DISC1: variants seen among roughly 807,000 people sequenced by gnomAD.
The protein encoded by DISC1 is disrupted in schizophrenia 1 protein.
A neutral mutation model predicts 84.5 loss-of-function variants in DISC1; 57 were observed. That is an observed-to-expected ratio of 0.67 (90% CI 0.55 to 0.84). The LOEUF (loss-of-function observed/expected upper bound fraction) is 0.84, where lower values mean the gene tolerates loss of function less well. DISC1 is among the 40% of genes least tolerant of loss of function. The pLI is 0.00. For synonymous variants in DISC1, 411 were observed against 415.2 expected, an observed-to-expected ratio of 0.99 and a Z score of 0.12; for missense variants, 1,000 against 1,057.8, an observed-to-expected ratio of 0.95 and a Z score of 0.76.
At chr1:231,833,696 T>A (rs933469334) in intron 9 of DISC1, among the ~76,000 whole-genome samples, 20 of 152,180 alleles carry the variant, frequency 1.3e-4, no homozygotes, top group African/African-American at 4.6e-4. Flanking sequence ...GAGGCAGGCC[T>A]GGAGGAACTC....
chr1:231,870,861 GATT>G (rs1182487060), intron 9 of DISC1, among the ~76,000 whole-genome samples: 3 of 152,168 alleles, frequency 2.0e-5, no homozygotes, highest in Non-Finnish European at 4.4e-5. Flanking sequence ...AAGTAATTTA[GATT>G]ATATTTTAAA....
At chr1:231,976,669 C>A (rs1008859541) in intron 10 of DISC1, among the ~76,000 whole-genome samples, 2 of 152,148 alleles carry the variant, frequency 1.3e-5, no homozygotes, top group African/African-American at 4.8e-5. Context: ...AACTCCATAC[C>A]TTTGACGCTA....
rs568872907 is a variant in DISC1, at chr1:231,810,877, C to T, written c.1793-7452C>T. On this transcript the variant is annotated intron_variant, in intron 8 of 12. Coordinates refer to ENST00000439617, the MANE Select transcript of DISC1 (RefSeq NM_018662.3). ...AGCTTCCTGGATAGTTACTAGAGAG[C>T]AATTTGGCTTCCAGCAGGTCTGATT... 2.0e-5 allele frequency among the ~76,000 whole-genome samples: 3 copies of T among 152,288 alleles called. No individual in the cohort carries two copies. In the South Asian group the frequency reaches 6.2e-4, roughly 32 times the overall value.
chr1:232,009,402 T>C lies in DISC1; in HGVS notation c.2307+353T>C. On this transcript the variant is annotated intron_variant, in intron 11 of 12. Transcript: ENST00000439617. This position sits in a 1 kb window ranked among gnomAD's most constrained non-coding sequence, Gnocchi z 4.6. ...TATTCACTATAGATTATATATGCCA[T>C]ACATGATATTTAACATATATACTAT... is the stretch of plus-strand genomic sequence containing the variant. 1 of 723,182 alleles carries C rather than the reference T, an allele frequency of 1.4e-6. No homozygotes were observed. The highest frequency in any genetic ancestry group is 1.9e-5 in the African/African-American group (1 of 51,606). 44.8% of individuals were successfully genotyped at this position (723,182 alleles called of 1,614,324 possible). A position where few individuals can be genotyped will look rare whatever the true frequency, so the allele number is the denominator to read the frequency against.
At chr1:231,815,871 G>T (rs186689287) in intron 8 of DISC1, among the ~76,000 whole-genome samples, 1 of 152,260 alleles carries the variant, frequency 6.6e-6, no homozygotes, top group Admixed American at 6.5e-5. Flanking sequence ...CCTGCTGATG[G>T]ATATTTAGGT....
At chr1:232,028,120 T>A (rs1171080234) in intron 12 of DISC1, among the ~76,000 whole-genome samples, 1 of 152,166 alleles carries the variant, frequency 6.6e-6, no homozygotes, top group Non-Finnish European at 1.5e-5. Flanking sequence ...AAACATAGAA[T>A]AAGGATGGCG....
intron 3 of DISC1, among the ~76,000 whole-genome samples, chr1:231,720,420 C>T (rs1321537957): frequency 6.6e-6 from 1 of 152,042 alleles, no homozygotes; most frequent in East Asian, 1.9e-4. Flanking sequence ...CTCACTGCTG[C>T]CTCAAATTCC....
chr1:232,009,374 T>A lies in DISC1; in HGVS notation c.2307+325T>A. ...ATATATGTCATATATAATATAGTTA[T>A]TATATTCACTATAGATTATATATGC... On this transcript the variant is annotated intron_variant, in intron 11 of 12. Transcript: ENST00000439617. This position sits in a 1 kb window ranked among gnomAD's most constrained non-coding sequence, Gnocchi z 4.6. The A allele has an allele frequency of 1.2e-6, 1 of 834,762 alleles. No homozygotes were observed. Among genetic ancestry groups the A allele is most frequent in the Non-Finnish European group, 1.5e-6 (1 of 674,738 alleles). The allele number at this position is 834,762 out of a possible 1,614,324, so 51.7% of individuals were successfully genotyped here.
At chr1:231,766,149 G>A (rs2076155234) in intron 4 of DISC1, among the ~76,000 whole-genome samples, 1 of 151,932 alleles carries the variant, frequency 6.6e-6, no homozygotes, top group African/African-American at 2.4e-5. Flanking sequence ...AATTAGCTGG[G>A]CATGGTGGCA....
intron 7 of DISC1, among the ~76,000 whole-genome samples, chr1:231,797,954 TGGGCAG>T (rs1352051202): frequency 6.6e-6 from 1 of 151,950 alleles, no homozygotes; most frequent in East Asian, 1.9e-4. Flanking sequence ...GTGTGTGTTG[TGGGCAG>T]GGGCCTATAT....
chr1:231,774,013 A>G (rs1169111728), intron 6 of DISC1, among the ~76,000 whole-genome samples: 1 of 152,110 alleles, frequency 6.6e-6, no homozygotes, highest in African/African-American at 2.4e-5. Context: ...CTATAATCCC[A>G]GCACTTTGGG....
chr1:231,870,561 G>A (rs540112107), intron 9 of DISC1, among the ~76,000 whole-genome samples: 6 of 152,300 alleles, frequency 3.9e-5, no homozygotes, highest in African/African-American at 9.6e-5. Context: ...AGCAGGGTGT[G>A]CTGCCCATCT....
chr1:232,017,555 A>G (rs147014502), intron 11 of DISC1, among the ~76,000 whole-genome samples: 1 of 150,678 alleles, frequency 6.6e-6, no homozygotes, highest in East Asian at 2.0e-4. Flanking sequence ...TGGATAGGCA[A>G]ATGTACTTTT....
intron 9 of DISC1, among the ~76,000 whole-genome samples, chr1:231,857,424 T>A (rs1208179678): frequency 2.6e-5 from 4 of 152,228 alleles, no homozygotes; most frequent in African/African-American, 9.6e-5. Flanking sequence ...GTGTCATTGA[T>A]GGCACTCCAG....
In DISC1 at chr1:231,638,557, A is replaced by C. The variant is rs939681370; in HGVS notation, c.67+11623A>C. Among the ~76,000 whole-genome samples the C allele has an allele frequency of 6.6e-5, 10 of 152,280 alleles. 1 individual carries two copies. The highest frequency in any genetic ancestry group is 6.8e-3 in the Middle Eastern group (2 of 294). ...TAGGGGTCCAGTTTCATTCTTCTGCATATGGCCATCCAATTTCCCCAGTAT... is the reference window on the plus strand; with the variant it reads ...TAGGGGTCCAGTTTCATTCTTCTGCCTATGGCCATCCAATTTCCCCAGTAT... On this transcript the variant is annotated intron_variant, in intron 1 of 12. Transcript: ENST00000439617.
At chr1:231,934,458 G>A (rs371447996) in intron 9 of DISC1, among the ~76,000 whole-genome samples, 14 of 152,286 alleles carry the variant, frequency 9.2e-5, no homozygotes, top group South Asian at 6.2e-4. Context: ...TAAATGGTCC[G>A]TGCTGCGGTT....
Position 231,626,818 on chromosome 1 carries a change from A to C in DISC1, c.-50A>C. 3 of 1,330,446 alleles carry C rather than the reference A, an allele frequency of 2.3e-6. No individual in the cohort carries two copies. Among genetic ancestry groups the C allele is most frequent in the Non-Finnish European group, 2.9e-6 (3 of 1,024,276 alleles). 82.4% of individuals were successfully genotyped at this position (1,330,446 alleles called of 1,614,324 possible). ...TTCCCCCCGCCTCTGGCCTCGGGGA[A>C]GGAGCAGGAGGCAGCCCAGGCGGAG... is the stretch of plus-strand genomic sequence containing the variant. On this transcript the variant is annotated 5_prime_UTR_variant, in exon 1 of 13. Transcript: ENST00000439617.
intron 10 of DISC1, among the ~76,000 whole-genome samples, chr1:231,985,352 A>G (rs1000881120): frequency 3.4e-4 from 52 of 151,454 alleles, no homozygotes; most frequent in Non-Finnish European, 6.5e-4. Context: ...AAAAAAAAAA[A>G]AAAGAAAGAA....
At chr1:231,947,340 C>G (rs1657440937) in intron 9 of DISC1, among the ~76,000 whole-genome samples, 1 of 152,224 alleles carries the variant, frequency 6.6e-6, no homozygotes. Context: ...AAACCTGACA[C>G]AAACAAGCAA....
Sources: allele counts gnomAD v4.1 joint callset (sites outside exome capture counted in the v4.1 genomes callset), GRCh38; gene constraint gnomAD v4.1.1; non-coding constraint Gnocchi (gnomAD v3.1); transcripts MANE v1.5; gene names NCBI Gene and HGNC (gene_info 2026-07-23, HGNC 2026-07-21).